Variants in CHCHD3 observed in about 807,000 individuals in gnomAD.
CHCHD3 encodes coiled-coil-helix-coiled-coil-helix domain containing 3.
CHCHD3 carries 20 observed loss-of-function variants against 38.2 expected under a neutral mutation model. The observed-to-expected ratio is 0.52, with a 90% confidence interval of 0.37 to 0.76. The LOEUF is 0.76. Among genes scored for constraint, CHCHD3 ranks in the 30% least tolerant of loss-of-function variants. The pLI, the probability that CHCHD3 is intolerant of heterozygous loss-of-function variation, is 0.00. For synonymous variants in CHCHD3, 82 were observed against 100.0 expected (o/e 0.82, Z 1.07); for missense variants, 245 against 279.2 (o/e 0.88, Z 0.87).
At chr7:133,055,493 T>A (rs1814297045) in intron 2 of CHCHD3, among the ~76,000 whole-genome samples, 1 of 144,936 alleles carries the variant, frequency 6.9e-6, no homozygotes, top group Non-Finnish European at 1.5e-5. Flanking sequence ...AATTGTTATA[T>A]ATTTATTATA....
At chr7:132,940,272 A>C (rs1227532047) in intron 4 of CHCHD3, among the ~76,000 whole-genome samples, 1 of 152,192 alleles carries the variant, frequency 6.6e-6, no homozygotes, top group Non-Finnish European at 1.5e-5. Context: ...ACCTCTCAGC[A>C]CACAGAAGCT....
At chr7:133,061,427 T>A (rs1326263436) in intron 2 of CHCHD3, among the ~76,000 whole-genome samples, 1 of 147,314 alleles carries the variant, frequency 6.8e-6, no homozygotes, top group Non-Finnish European at 1.5e-5. Flanking sequence ...GGTCTGCGAG[T>A]GACCCTTGCA....
rs1320987039 is a variant in CHCHD3, at chr7:132,875,777, T to C, written c.453+9885A>G. 2.0e-5 allele frequency among the ~76,000 whole-genome samples: 3 copies of C among 152,210 alleles called. No homozygotes were observed. The East Asian group carries it at 5.8e-4, about 29-fold the overall frequency. ...CTCCCTCTAGTCCCCAAAATTCTGATAAGAATGACCAAAGTTAAAATCCTA... is the reference window on the plus strand; with the variant it reads ...CTCCCTCTAGTCCCCAAAATTCTGACAAGAATGACCAAAGTTAAAATCCTA... On this transcript the variant is annotated intron_variant, in intron 5 of 7. Transcript: ENST00000262570.
chr7:132,851,397 T>C lies in CHCHD3; in HGVS notation c.454-12928A>G, dbSNP rs530166117. 2.6e-5 allele frequency among the ~76,000 whole-genome samples: 4 copies of C among 152,294 alleles called. No homozygotes were observed. The South Asian group carries it at 8.3e-4, about 32-fold the overall frequency. On this transcript the variant is annotated intron_variant, in intron 5 of 7. Coordinates refer to ENST00000262570, the MANE Select transcript of CHCHD3 (RefSeq NM_017812.4). ...ATTGGGACTTCTCATTTATCGCAAA[T>C]ATAAGGTATTAATTTTTCTATTATT... is the stretch of plus-strand genomic sequence containing the variant.
At chr7:132,975,020 A>G (rs1453044162) in intron 4 of CHCHD3, 149 bp downstream of exon 4, 1 of 627,894 alleles carries the variant, frequency 1.6e-6, no homozygotes, top group African/African-American at 1.8e-5. Context: ...ACTGTAAGCT[A>G]CTTATAAAAG....
chr7:133,052,332 G>A (rs1274812448), intron 2 of CHCHD3, among the ~76,000 whole-genome samples: 1 of 152,166 alleles, frequency 6.6e-6, no homozygotes, highest in Non-Finnish European at 1.5e-5. Context: ...ATAAAGTTTA[G>A]TGGAGGAGAG....
intron 4 of CHCHD3, among the ~76,000 whole-genome samples, chr7:132,899,031 G>T (rs1809596135): frequency 6.6e-6 from 1 of 152,222 alleles, no homozygotes; most frequent in South Asian, 2.1e-4. Flanking sequence ...CTCTGGCCTT[G>T]GCCAGCCCAG....
chr7:132,816,878 C>G (rs1807212842), intron 6 of CHCHD3, among the ~76,000 whole-genome samples: 1 of 152,112 alleles, frequency 6.6e-6, no homozygotes, highest in African/African-American at 2.4e-5. Context: ...AAGGATTTCC[C>G]TAGATAAAGA....
At chr7:132,878,404 C>A (rs898719205) in intron 5 of CHCHD3, among the ~76,000 whole-genome samples, 4 of 152,144 alleles carry the variant, frequency 2.6e-5, no homozygotes, top group African/African-American at 9.7e-5. Context: ...GAGCCCAACA[C>A]TTTATGATGC....
At chr7:132,859,652 T>C (rs769763765) in intron 5 of CHCHD3, among the ~76,000 whole-genome samples, 1 of 152,340 alleles carries the variant, frequency 6.6e-6, no homozygotes, top group South Asian at 2.1e-4. Flanking sequence ...CTAAAGATGA[T>C]GGAGAACTGC....
chr7:132,898,911 G>A (rs1274781407), intron 4 of CHCHD3, among the ~76,000 whole-genome samples: 1 of 152,174 alleles, frequency 6.6e-6, no homozygotes, highest in Admixed American at 6.5e-5. Flanking sequence ...TGCAGGGCCC[G>A]CCAAGCCCAC....
chr7:132,975,295 A>C lies in CHCHD3; in HGVS notation c.252-9T>G. 1 of 1,599,188 alleles carries C rather than the reference A, an allele frequency of 6.3e-7. No homozygotes were observed. The highest frequency in any genetic ancestry group is 1.1e-5 in the South Asian group (1 of 90,206). ...CTTTGGCTTGCTTTAGTCTAAAATG[A>C]CAAGAATTGTCTAAGTTAGAAAAAA... On this transcript the variant is annotated splice_polypyrimidine_tract_variant and intron_variant, in intron 3 of 7. Transcript: ENST00000262570.
chr7:133,052,266 C>T (rs1454977177), intron 2 of CHCHD3, among the ~76,000 whole-genome samples: 2 of 152,128 alleles, frequency 1.3e-5, no homozygotes, highest in South Asian at 2.1e-4. Flanking sequence ...AAAAATGACC[C>T]GACACAGCAT....
chr7:132,970,402 T>C (rs1014882704), intron 4 of CHCHD3, among the ~76,000 whole-genome samples: 4 of 152,216 alleles, frequency 2.6e-5, no homozygotes, highest in African/African-American at 9.7e-5. Context: ...CTGCTTACTG[T>C]TTGCTCAGCA....
intron 2 of CHCHD3, among the ~76,000 whole-genome samples, chr7:133,055,231 A>G (rs937836023): frequency 6.8e-6 from 1 of 147,888 alleles, no homozygotes; most frequent in Non-Finnish European, 1.5e-5. Context: ...ATAATTTTGC[A>G]TATACTTATA....
intron 7 of CHCHD3, 74 bp from the exon 8 acceptor site, chr7:132,785,734 A>G: frequency 1.4e-6 from 2 of 1,429,460 alleles, no homozygotes; most frequent in Non-Finnish European, 2.0e-6. Flanking sequence ...ACTATTTAGT[A>G]TGATTTGTGT....
intron 3 of CHCHD3, among the ~76,000 whole-genome samples, chr7:132,977,481 TATC>T (rs1245403028): frequency 1.3e-5 from 2 of 152,240 alleles, no homozygotes; most frequent in African/African-American, 2.4e-5. Flanking sequence ...CTGCTGAGGT[TATC>T]ATATCAGATT....
intron 3 of CHCHD3, among the ~76,000 whole-genome samples, chr7:133,003,993 T>C (rs1367865384): frequency 1.3e-5 from 2 of 152,004 alleles, no homozygotes; most frequent in Non-Finnish European, 2.9e-5. Context: ...GTTTTGCTCT[T>C]GTCACCCAGG....
intron 6 of CHCHD3, among the ~76,000 whole-genome samples, chr7:132,830,359 C>T (rs927757047): frequency 6.6e-6 from 1 of 152,188 alleles, no homozygotes; most frequent in Non-Finnish European, 1.5e-5. Context: ...CGATGAGATA[C>T]GGAAGGAGCT....
Sources: gnomAD v4.1 joint callset for allele counts (sites outside exome capture counted in the v4.1 genomes callset) on GRCh38, gnomAD v4.1.1 for gene constraint, MANE v1.5 for transcripts, NCBI Gene and HGNC (gene_info 2026-07-23, HGNC 2026-07-21) for gene names.